Variants in CRIM1 observed in about 807,000 individuals in gnomAD.
The protein encoded by CRIM1 is cysteine rich transmembrane BMP regulator 1.
In CRIM1, 32 loss-of-function variants were observed where a neutral mutation model predicts 116.4. The ratio of observed to expected loss-of-function variants is 0.27; its 90% confidence interval spans 0.21 to 0.37. CRIM1 has a LOEUF of 0.37. Ranked by LOEUF, CRIM1 falls within the 10% of genes least tolerant of loss-of-function variation. The pLI, the probability that CRIM1 is intolerant of heterozygous loss-of-function variation, is 1.00. For synonymous variants in CRIM1, 590 were observed against 509.2 expected, an observed-to-expected ratio of 1.16 and a Z score of -2.13; for missense variants, 1,331 against 1,354.8, an observed-to-expected ratio of 0.98 and a Z score of 0.28.
At chr2:36,547,815 TATTA>T (rs752931437) in intron 16 of CRIM1, among the ~76,000 whole-genome samples, 11 of 152,266 alleles carry the variant, frequency 7.2e-5, no homozygotes, top group Non-Finnish European at 8.8e-5. Flanking sequence ...GAAAAAACTG[TATTA>T]ATTAAGGGAA....
chr2:36,546,317 G>T (rs534265120), intron 15 of CRIM1, among the ~76,000 whole-genome samples: 2 of 152,058 alleles, frequency 1.3e-5, no homozygotes, highest in Non-Finnish European at 2.9e-5. Flanking sequence ...TATTTTAAAA[G>T]AACATAAAGG....
intron 7 of CRIM1, among the ~76,000 whole-genome samples, chr2:36,484,998 A>G (rs1679709959): frequency 6.6e-6 from 1 of 152,212 alleles, no homozygotes; most frequent in African/African-American, 2.4e-5. Flanking sequence ...TGAGAGGTAT[A>G]TCAGAGTCCA....
intron 2 of CRIM1, among the ~76,000 whole-genome samples, chr2:36,414,746 G>A (rs373171538): frequency 3.3e-5 from 5 of 152,176 alleles, no homozygotes; most frequent in South Asian, 4.1e-4. Flanking sequence ...TTTGTGTCCC[G>A]AGGGACTTAA....
In CRIM1 at chr2:36,435,720, A is replaced by G. The variant is rs143459086; in HGVS notation, c.506-5538A>G. On this transcript the variant is annotated intron_variant, in intron 2 of 16. Coordinates refer to ENST00000280527, the MANE Select transcript of CRIM1 (RefSeq NM_016441.3). ...ACCTGAAGAGGGCCTAAAAATGGCC[A>G]AGATCCAGTCATACACATTAAAGTG... is the stretch of plus-strand genomic sequence containing the variant. Among the ~76,000 whole-genome samples the G allele has an allele frequency of 1.6e-3, 244 of 152,262 alleles. 2 individuals carry two copies. Among genetic ancestry groups the G allele is most frequent in the African/African-American group, 5.6e-3 (233 of 41,564 alleles).
chr2:36,364,350 C>T (rs574758959), intron 1 of CRIM1, among the ~76,000 whole-genome samples: 1 of 152,294 alleles, frequency 6.6e-6, no homozygotes, highest in Non-Finnish European at 1.5e-5. Flanking sequence ...CTATTATAGT[C>T]ATTATTTTTC....
At chr2:36,526,730 G>T (rs1401228754) in intron 13 of CRIM1, among the ~76,000 whole-genome samples, 3 of 152,160 alleles carry the variant, frequency 2.0e-5, no homozygotes, top group South Asian at 4.1e-4. Context: ...TCTTTCAGTG[G>T]ATCCTCCCTG....
At chr2:36,375,768 T>C (rs1572585709) in intron 1 of CRIM1, among the ~76,000 whole-genome samples, 1 of 152,222 alleles carries the variant, frequency 6.6e-6, no homozygotes, top group South Asian at 2.1e-4. Context: ...GACCAACATA[T>C]TGACTTAAGG....
intron 4 of CRIM1, among the ~76,000 whole-genome samples, chr2:36,457,480 A>G (rs986241233): frequency 1.3e-5 from 2 of 152,222 alleles, no homozygotes; most frequent in Admixed American, 6.5e-5. Flanking sequence ...TGTGATCCCC[A>G]GGGCAGGGCT....
At chr2:36,390,293 G>A (rs574799045) in intron 1 of CRIM1, among the ~76,000 whole-genome samples, 3 of 152,188 alleles carry the variant, frequency 2.0e-5, no homozygotes, top group South Asian at 2.1e-4. Flanking sequence ...GGAAAAAATA[G>A]GGTTGGGGAA....
At chr2:36,379,473 G>A (rs992726650) in intron 1 of CRIM1, among the ~76,000 whole-genome samples, 8 of 152,162 alleles carry the variant, frequency 5.3e-5, no homozygotes, top group Non-Finnish European at 8.8e-5. Context: ...ACAAAAATCA[G>A]GCACTTTTAT....
At chr2:36,381,701 T>A (rs1670787984) in intron 1 of CRIM1, among the ~76,000 whole-genome samples, 1 of 152,114 alleles carries the variant, frequency 6.6e-6, no homozygotes, top group Admixed American at 6.5e-5. Flanking sequence ...GCAGGAGAAT[T>A]GCCTGAACCG....
intron 12 of CRIM1, 100 bp from the exon 13 acceptor site, chr2:36,521,992 C>G (rs1665425643): frequency 2.1e-6 from 2 of 933,248 alleles, no homozygotes; most frequent in Non-Finnish European, 1.7e-6. Flanking sequence ...TAAGGAGGCA[C>G]CGAAAGCCAT....
At chr2:36,477,905 CTG>C (rs1200990125) in intron 6 of CRIM1, among the ~76,000 whole-genome samples, 3 of 152,280 alleles carry the variant, frequency 2.0e-5, no homozygotes, top group Non-Finnish European at 2.9e-5. Context: ...CCGTGCCTGA[CTG>C]TGTCTATAGT....
chr2:36,536,402 C>A (rs777793181), intron 13 of CRIM1, among the ~76,000 whole-genome samples: 2 of 152,098 alleles, frequency 1.3e-5, no homozygotes, highest in South Asian at 4.2e-4. Flanking sequence ...TAGTGAGTGG[C>A]GCTGCTTGTA....
intron 2 of CRIM1, among the ~76,000 whole-genome samples, chr2:36,415,596 G>T (rs1673552249): frequency 6.6e-6 from 1 of 152,074 alleles, no homozygotes; most frequent in Admixed American, 6.6e-5. Context: ...TTCACTACAT[G>T]CATCTACTAT....
chr2:36,498,101 C>T (rs1452495404), intron 7 of CRIM1, among the ~76,000 whole-genome samples: 1 of 152,202 alleles, frequency 6.6e-6, no homozygotes, highest in Non-Finnish European at 1.5e-5. Flanking sequence ...ATATTGTGAG[C>T]AACAGCTTAC....
intron 13 of CRIM1, among the ~76,000 whole-genome samples, chr2:36,525,146 C>T (rs921386711): frequency 2.0e-5 from 3 of 152,134 alleles, no homozygotes; most frequent in Admixed American, 6.5e-5. Context: ...CTTATTCACT[C>T]GTTCATCTTA....
chr2:36,358,571 G>A (rs953719632), intron 1 of CRIM1, among the ~76,000 whole-genome samples: 1 of 152,202 alleles, frequency 6.6e-6, no homozygotes, highest in Non-Finnish European at 1.5e-5. Flanking sequence ...AGTTTCGTGA[G>A]CCTTTCATTC....
chr2:36,482,006 C>G (rs1679456642), intron 7 of CRIM1, among the ~76,000 whole-genome samples: 1 of 152,150 alleles, frequency 6.6e-6, no homozygotes, highest in Admixed American at 6.5e-5. Context: ...GTTTGAAGAC[C>G]TCAGGGGAAA....
Sources: gnomAD v4.1 joint callset for allele counts (sites outside exome capture counted in the v4.1 genomes callset) on GRCh38, gnomAD v4.1.1 for gene constraint, MANE v1.5 for transcripts, NCBI Gene and HGNC (gene_info 2026-07-23, HGNC 2026-07-21) for gene names.